PRKAG2: variants seen among roughly 807,000 people sequenced by gnomAD.
PRKAG2 encodes 5'-AMP-activated protein kinase subunit gamma-2.
PRKAG2 carries 26 observed loss-of-function variants against 69.6 expected under a neutral mutation model. The ratio of observed to expected loss-of-function variants is 0.37; its 90% CI spans 0.27 to 0.52. The LOEUF is 0.52. PRKAG2 is among the 20% of genes least tolerant of loss of function. PRKAG2 has a pLI of 0.90. For missense variants in PRKAG2, 557 were observed against 740.0 expected (o/e 0.75, Z 2.87); for synonymous variants, 293 against 285.0 (o/e 1.03, Z -0.28).
chr7:151,725,775 G>GGCT (rs1488771288), intron 3 of PRKAG2, among the ~76,000 whole-genome samples: 1 of 152,162 alleles, frequency 6.6e-6, no homozygotes, highest in African/African-American at 2.4e-5. Flanking sequence ...GCTGCACAGG[G>GGCT]GCTGGTCTGC....
chr7:151,592,506 C>T (rs2068301798), intron 6 of PRKAG2, among the ~76,000 whole-genome samples: 1 of 152,194 alleles, frequency 6.6e-6, no homozygotes, highest in African/African-American at 2.4e-5. Context: ...GGCACACCCT[C>T]GCATTCTGCT....
At chr7:151,743,935 G>A (rs1412961200) in intron 3 of PRKAG2, among the ~76,000 whole-genome samples, 1 of 152,220 alleles carries the variant, frequency 6.6e-6, no homozygotes, top group African/African-American at 2.4e-5. Flanking sequence ...TTTACCAGGT[G>A]TGCCAGCCCC....
chr7:151,834,357 G>T (rs1408304633), intron 1 of PRKAG2, among the ~76,000 whole-genome samples: 3 of 152,224 alleles, frequency 2.0e-5, no homozygotes, highest in Non-Finnish European at 2.9e-5. Flanking sequence ...ACTCAAGGTG[G>T]TTTTGCTCCA....
At chr7:151,657,585 C>CT (rs1829628893) in intron 4 of PRKAG2, among the ~76,000 whole-genome samples, 1 of 152,140 alleles carries the variant, frequency 6.6e-6, no homozygotes, top group African/African-American at 2.4e-5. Context: ...TTTTCTAAAC[C>CT]TTGGTTCTTA....
At chr7:151,827,686 T>TAGAGGCAC (rs1186241318) in intron 1 of PRKAG2, among the ~76,000 whole-genome samples, 1 of 132,952 alleles carries the variant, frequency 7.5e-6, no homozygotes. Flanking sequence ...AGGTCCTGGG[T>TAGAGGCAC]AGAGGCACAG....
intron 1 of PRKAG2, among the ~76,000 whole-genome samples, chr7:151,869,566 C>G (rs1319576213): frequency 6.6e-6 from 1 of 152,250 alleles, no homozygotes; most frequent in Non-Finnish European, 1.5e-5. Flanking sequence ...TGGGTTTGTG[C>G]AGGCTCCGCA....
rs1456202820 is a variant in PRKAG2 at position 151,820,262 on chromosome 7, C to G, written c.115-33721G>C. 2.0e-5 allele frequency among the ~76,000 whole-genome samples: 3 copies of G among 152,258 alleles called. No homozygotes were observed. In the East Asian group the frequency reaches 5.8e-4, roughly 29 times the overall value. On this transcript the variant is annotated intron_variant, in intron 1 of 15. Transcript: ENST00000287878. ...GGGCTTAGCATAAATTCAAGAGGGA[C>G]AGGCTTAAGCATCTGTCAGAGCTTC... is the stretch of plus-strand genomic sequence containing the variant.
chr7:151,650,745 C>T (rs1828358272), intron 4 of PRKAG2, among the ~76,000 whole-genome samples: 1 of 152,120 alleles, frequency 6.6e-6, no homozygotes, highest in Admixed American at 6.5e-5. Context: ...TGACAACCTC[C>T]TACTCCAGGG....
In PRKAG2 at chr7:151,807,307, C is replaced by A; in HGVS notation, c.115-20766G>T. ...GGATAGGGGAAGAAAAACAAGCAAT[C>A]TACAGAACGTGGGAAAATGCCTATA... is the stretch of plus-strand genomic sequence containing the variant. On this transcript the variant is annotated intron_variant, in intron 1 of 15. Transcript: ENST00000287878. The surrounding 1 kb of genome is among the most constrained non-coding windows in gnomAD (Gnocchi z 4.4). The A allele has an allele frequency of 2.4e-6, 1 of 418,430 alleles. No homozygotes were observed. 25.9% of individuals were successfully genotyped at this position (418,430 alleles called of 1,614,324 possible).
intron 3 of PRKAG2, among the ~76,000 whole-genome samples, chr7:151,703,851 C>CAT (rs1838140886): frequency 1.2e-4 from 5 of 40,864 alleles, no homozygotes; most frequent in African/African-American, 4.1e-4. Context: ...GGAAAACACA[C>CAT]ACACACACAC....
At chr7:151,852,323 C>T (rs918322333) in intron 1 of PRKAG2, among the ~76,000 whole-genome samples, 4 of 152,100 alleles carry the variant, frequency 2.6e-5, no homozygotes, top group South Asian at 2.1e-4. Context: ...GGCGAAACCC[C>T]GTCTTTACTG....
chr7:151,758,316 T>C (rs1439529777), intron 3 of PRKAG2, among the ~76,000 whole-genome samples: 1 of 152,202 alleles, frequency 6.6e-6, no homozygotes, highest in African/African-American at 2.4e-5. Context: ...AAGCTACCAC[T>C]GCATGATTTT....
chr7:151,757,012 C>T (rs76993233), intron 3 of PRKAG2, among the ~76,000 whole-genome samples: 4 of 152,176 alleles, frequency 2.6e-5, no homozygotes, highest in African/African-American at 9.6e-5. Flanking sequence ...TAAAATTACT[C>T]GAGTCTGACC....
chr7:151,664,196 G>A (rs1489077004), intron 4 of PRKAG2, among the ~76,000 whole-genome samples: 2 of 152,278 alleles, frequency 1.3e-5, no homozygotes, highest in Non-Finnish European at 2.9e-5. Context: ...CTGAGAACAC[G>A]GATTCTGGAG....
chr7:151,774,487 G>C (rs935542095), intron 3 of PRKAG2, among the ~76,000 whole-genome samples: 2 of 152,028 alleles, frequency 1.3e-5, no homozygotes, highest in Non-Finnish European at 2.9e-5. Context: ...TCATCTTCCT[G>C]CTTTCTTTCC....
At chr7:151,577,493 A>G (rs1809251819) in intron 6 of PRKAG2, among the ~76,000 whole-genome samples, 1 of 152,234 alleles carries the variant, frequency 6.6e-6, no homozygotes, top group Non-Finnish European at 1.5e-5. Flanking sequence ...AAATAAGCCG[A>G]TATTTTAAAG....
intron 1 of PRKAG2, among the ~76,000 whole-genome samples, chr7:151,825,058 A>G (rs1219046536): frequency 6.7e-4 from 1 of 1,486 alleles, no homozygotes. Flanking sequence ...CTAAAAATAC[A>G]AAAAAATTAG....
intron 1 of PRKAG2, among the ~76,000 whole-genome samples, chr7:151,819,690 A>G (rs895666830): frequency 6.6e-6 from 1 of 152,204 alleles, no homozygotes; most frequent in African/African-American, 2.4e-5. Flanking sequence ...CTATCTTTCA[A>G]GGCCATGTTC....
chr7:151,800,903 G>A (rs770713354), intron 1 of PRKAG2, among the ~76,000 whole-genome samples: 1 of 152,184 alleles, frequency 6.6e-6, no homozygotes, highest in African/African-American at 2.4e-5. Flanking sequence ...AATGCCAGAC[G>A]CAGACAACAG....
Sources: allele counts gnomAD v4.1 joint callset (sites outside exome capture counted in the v4.1 genomes callset), GRCh38; gene constraint gnomAD v4.1.1; non-coding constraint Gnocchi (gnomAD v3.1); transcripts MANE v1.5; gene names NCBI Gene and HGNC (gene_info 2026-07-23, HGNC 2026-07-21).